NISCH: variants seen among roughly 807,000 people sequenced by gnomAD.
The protein encoded by NISCH is nischarin.
Under a neutral mutation model 138.4 loss-of-function variants are expected in NISCH, and 55 were observed. The observed-to-expected ratio is 0.40, with a 90% CI of 0.32 to 0.50. The LOEUF (loss-of-function observed/expected upper bound fraction) is 0.50. Among genes scored for constraint, NISCH ranks in the 20% least tolerant of loss-of-function variants. The pLI, the probability that NISCH is intolerant of heterozygous loss-of-function variation, is 0.71. For missense variants in NISCH, 1,643 were observed against 2,005.5 expected (o/e 0.82, Z 3.45); for synonymous variants, 860 against 861.5 (o/e 1.00, Z 0.03).
At chr3:52,489,779 G>A (rs1381012673) in intron 17 of NISCH, 101 bp downstream of exon 17, 2 of 1,512,428 alleles carry the variant, frequency 1.3e-6, no homozygotes, top group Non-Finnish European at 8.8e-7. Context: ...CTTCCCTGAT[G>A]TCGGAGTCCT....
At chr3:52,478,379 T>C in intron 10 of NISCH, 70 bp from the exon 11 acceptor site, 1 of 1,608,574 alleles carries the variant, frequency 6.2e-7, no homozygotes, top group African/African-American at 1.3e-5. Flanking sequence ...AAAGAGACCA[T>C]GAAACGTGTT....
chr3:52,492,770 T>C lies in NISCH; in HGVS notation c.*288T>C, dbSNP rs1216239569. ...TGGGACCGTTGTTAACACGTGACAC[T>C]GTGGGTCTGACTTTCTCTTCTACAC... is the stretch of plus-strand genomic sequence containing the variant. On this transcript the variant is annotated 3_prime_UTR_variant, in exon 21 of 21. Coordinates refer to ENST00000345716, the MANE Select transcript of NISCH (RefSeq NM_007184.4). 2.5e-5 allele frequency: 11 copies of C among 448,690 alleles called. No homozygotes were observed. The highest frequency in any genetic ancestry group is 4.0e-5 in the Non-Finnish European group (10 of 251,774). The allele number at this position is 448,690 out of a possible 1,614,324, so 27.8% of individuals were successfully genotyped here.
intron 13 of NISCH, 184 bp downstream of exon 13, chr3:52,480,479 C>G: frequency 6.5e-7 from 1 of 1,530,230 alleles, no homozygotes; most frequent in Non-Finnish European, 8.7e-7. Flanking sequence ...TGGCCTGATG[C>G]CAGCTGTTGC....
chr3:52,469,982 G>C (rs1352934960), intron 3 of NISCH, among the ~76,000 whole-genome samples: 1 of 151,850 alleles, frequency 6.6e-6, no homozygotes, highest in East Asian at 1.9e-4. Context: ...TACTTGGGAG[G>C]TTGAGGCAGG....
intron 1 of NISCH, among the ~76,000 whole-genome samples, chr3:52,455,950 G>A (rs1706453412): frequency 6.8e-6 from 1 of 146,504 alleles, no homozygotes. Flanking sequence ...AGGCGGTTTG[G>A]AAAAGGGTAC....
At chr3:52,485,176 A>C (rs1240809249) in intron 14 of NISCH, among the ~76,000 whole-genome samples, 1 of 152,146 alleles carries the variant, frequency 6.6e-6, no homozygotes, top group African/African-American at 2.4e-5. Context: ...GAGGAAAGCA[A>C]GGGTGCTTGC....
rs756085886 is a variant in NISCH at position 52,492,104 on chromosome 3, G to T, written c.4137G>T (p.Glu1379Asp). ...AGACACTCCTGCTCACCAGCTCCGA[G>T]ATCTTCCTCCTGGATGAGGACTGTG... ...RPKTLLLTSSEIFLLDEDCVH... is the reference protein window; with the variant it reads ...RPKTLLLTSSDIFLLDEDCVH... Residue 1379 changes from glutamate to aspartate, a missense_variant, in exon 21 of 21, where the codon GAG becomes GAT. Glu to Asp is a conservative substitution (Grantham distance 45, BLOSUM62 2). Coordinates refer to ENST00000345716, the MANE Select transcript of NISCH (RefSeq NM_007184.4). The T allele has an allele frequency of 3.1e-6, 5 of 1,613,130 alleles. No individual in the cohort carries two copies. The South Asian group carries it at 5.5e-5, about 18-fold the overall frequency.
Position 52,487,725 on chromosome 3 carries a change from G to C in NISCH, c.2233G>C (p.Glu745Gln). The part of the protein sequence containing the change: ...GIAVFEIPHQ[E>Q]SRGSSQHILS... ...CGCAGTCTTCGAGATCCCGCACCAGGAGTCTCGGGGCAGCAGCCAGCACAT... is the reference window on the plus strand; with the variant it reads ...CGCAGTCTTCGAGATCCCGCACCAGCAGTCTCGGGGCAGCAGCCAGCACAT... Residue 745 changes from glutamate to glutamine, a missense_variant, in exon 16 of 21, where the codon GAG becomes CAG. Physicochemically the swap from Glu to Gln is conservative, Grantham distance 29 (BLOSUM62 2). Coordinates refer to ENST00000345716, the MANE Select transcript of NISCH (RefSeq NM_007184.4). This position sits in a 1 kb window ranked among gnomAD's most constrained non-coding sequence, Gnocchi z 9.1. 1 of 1,613,710 alleles carries C rather than the reference G, an allele frequency of 6.2e-7. No individual in the cohort carries two copies. Among genetic ancestry groups the C allele is most frequent in the Non-Finnish European group, 8.5e-7 (1 of 1,179,998 alleles).
rs776305582 is a variant in NISCH, at chr3:52,476,574, G to T, written c.893G>T (p.Ser298Ile). 3.1e-6 allele frequency: 5 copies of T among 1,614,134 alleles called. No individual in the cohort carries two copies. The highest frequency in any genetic ancestry group is 4.2e-6 in the Non-Finnish European group (5 of 1,180,018). ...ALTTLDLSHN[S>I]VSEIDESVKL... ...ACCACGCTTGACCTGAGCCACAACA[G>T]CGTCTCCGAGATCGACGAGTCTGTG... Residue 298 changes from serine to isoleucine, a missense_variant, in exon 8 of 21, where the codon AGC becomes ATC. Transcript: ENST00000345716.
At chr3:52,481,099 C>T in intron 13 of NISCH, 1 of 1,304,036 alleles carries the variant, frequency 7.7e-7, no homozygotes, top group Non-Finnish European at 9.7e-7. Context: ...ACATTCCCAC[C>T]CCTTGACCTG....
In NISCH at chr3:52,474,147, T is replaced by C. The variant is rs1411981389; in HGVS notation, c.765+318T>C. On this transcript the variant is annotated intron_variant, in intron 7 of 20. Coordinates refer to ENST00000345716, the MANE Select transcript of NISCH (RefSeq NM_007184.4). ...TTTTTGTTTTGAGCTAGAGTCTTGCTCTGTGGCCCAGACTGGAGTACAGTG... is the reference window on the plus strand; with the variant it reads ...TTTTTGTTTTGAGCTAGAGTCTTGCCCTGTGGCCCAGACTGGAGTACAGTG... 9.2e-5 allele frequency among the ~76,000 whole-genome samples: 14 copies of C among 152,226 alleles called. 1 individual carries two copies. The highest frequency in any genetic ancestry group is 9.2e-4 in the Admixed American group (14 of 15,282).
intron 2 of NISCH, 46 bp from the exon 3 acceptor site, chr3:52,458,616 A>G (rs1706543521): frequency 6.4e-7 from 1 of 1,559,452 alleles, no homozygotes; most frequent in Admixed American, 1.8e-5. Flanking sequence ...TTACATAGGC[A>G]CAGAGCCTCT....
At chr3:52,468,864 A>G (rs1706860100) in intron 3 of NISCH, among the ~76,000 whole-genome samples, 1 of 152,144 alleles carries the variant, frequency 6.6e-6, no homozygotes. Flanking sequence ...TATTTTTATA[A>G]TTGTGGAGTG....
chr3:52,455,747 C>G lies in NISCH; in HGVS notation c.93+13C>G. The stretch of plus-strand genomic sequence containing the variant: ...GGACACTTATACGGTGTGTTGGGGG[C>G]GCGGGCACCCGAAGCGGGGGTGGTG... On this transcript the variant is annotated intron_variant, in intron 1 of 20. Coordinates refer to ENST00000345716, the MANE Select transcript of NISCH (RefSeq NM_007184.4). 1.5e-6 allele frequency: 2 copies of G among 1,343,150 alleles called. No individual in the cohort carries two copies. Among genetic ancestry groups the G allele is most frequent in the Non-Finnish European group, 1.9e-6 (2 of 1,036,676 alleles). The allele number at this position is 1,343,150 out of a possible 1,614,324, so 83.2% of individuals were successfully genotyped here.
rs543776103 is a variant in NISCH, at chr3:52,491,459, T to A, written c.3850T>A (p.Ser1284Thr). 1.5e-5 allele frequency: 24 copies of A among 1,613,478 alleles called. No homozygotes were observed. Among genetic ancestry groups the A allele is most frequent in the East Asian group, 1.3e-4 (6 of 44,884 alleles). ...VVLSSLERTP[S>T]PEPVDKDFYS... ...GCTGTCCTCTCTGGAACGCACGCCCTCGCCGGAGCCTGTTGACAAGGACTT... is the reference window on the plus strand; with the variant it reads ...GCTGTCCTCTCTGGAACGCACGCCCACGCCGGAGCCTGTTGACAAGGACTT... The change falls in exon 20 of 21, where the codon TCG (serine) becomes ACG (threonine). Residue 1284 changes from serine to threonine, a missense_variant. Physicochemically the swap from Ser to Thr is moderately conservative, Grantham distance 58. Coordinates refer to ENST00000345716, the MANE Select transcript of NISCH (RefSeq NM_007184.4).
rs770065257 is a variant in NISCH, at chr3:52,487,732, G to T, written c.2240G>T (p.Arg747Leu). The T allele has an allele frequency of 6.2e-7, 1 of 1,613,676 alleles. No homozygotes were observed. The highest frequency in any genetic ancestry group is 1.7e-5 in the Admixed American group (1 of 60,018). The change falls in exon 16 of 21, where the codon CGG (arginine) becomes CTG (leucine). Residue 747 changes from arginine (R) to leucine (L), a missense_variant. Arg to Leu is a moderately radical substitution (Grantham distance 102, BLOSUM62 -2). Coordinates refer to ENST00000345716, the MANE Select transcript of NISCH (RefSeq NM_007184.4). This position sits in a 1 kb window ranked among gnomAD's most constrained non-coding sequence, Gnocchi z 9.1. The stretch of plus-strand genomic sequence containing the variant: ...TTCGAGATCCCGCACCAGGAGTCTC[G>T]GGGCAGCAGCCAGCACATCCTCTCC... ...AVFEIPHQES[R>L]GSSQHILSSL...
In NISCH at chr3:52,478,146, C is replaced by G; in HGVS notation, c.1037C>G (p.Ser346Cys). Residue 346 changes from serine (S) to cysteine (C), a missense_variant, in exon 10 of 21, where the codon TCC becomes TGC. By Grantham distance (112) the Ser-to-Cys change is moderately radical. Coordinates refer to ENST00000345716, the MANE Select transcript of NISCH (RefSeq NM_007184.4). ...HLDLSYNKLSSLEGLHTKLGN... is the reference protein window; with the variant it reads ...HLDLSYNKLSCLEGLHTKLGN... ...GACCTGTCCTACAACAAGCTCTCCT[C>G]CTTGGAAGGGCTTCACACCAAGCTG... The G allele has an allele frequency of 2.5e-6, 4 of 1,614,114 alleles. No individual in the cohort carries two copies. Among genetic ancestry groups the G allele is most frequent in the Non-Finnish European group, 3.4e-6 (4 of 1,180,014 alleles).
At position 52,488,293 on chromosome 3, in the gene NISCH, A is replaced by G. The variant is rs755540003; in HGVS notation, c.2801A>G (p.Asn934Ser). The G allele has an allele frequency of 6.2e-7, 1 of 1,610,844 alleles. No individual in the cohort carries two copies. Among genetic ancestry groups the G allele is most frequent in the Non-Finnish European group, 8.5e-7 (1 of 1,179,960 alleles). The change falls in exon 16 of 21, where the codon AAC (asparagine) becomes AGC (serine). Residue 934 changes from asparagine to serine, a missense_variant. Asn to Ser is a conservative substitution (Grantham distance 46). Coordinates refer to ENST00000345716, the MANE Select transcript of NISCH (RefSeq NM_007184.4). ...CCCATGCCCAACCGTGGCACCCACA[A>G]CTGTCGCAACCGCAACAGCTTCAAG... ...FNPMPNRGTH[N>S]CRNRNSFKLS...
chr3:52,489,726 G>T, intron 17 of NISCH, 48 bp downstream of exon 17: 1 of 1,576,918 alleles, frequency 6.3e-7, no homozygotes, highest in Non-Finnish European at 8.6e-7. Context: ...CAGTCCTGAG[G>T]GCGAGGCCAA....
Sources: allele counts gnomAD v4.1 joint callset (sites outside exome capture counted in the v4.1 genomes callset), GRCh38; gene constraint gnomAD v4.1.1; non-coding constraint Gnocchi (gnomAD v3.1); transcripts MANE v1.5; gene names NCBI Gene and HGNC (gene_info 2026-07-23, HGNC 2026-07-21).